FMNL2: variants seen among roughly 807,000 people sequenced by gnomAD.
FMNL2 encodes the protein formin like 2, also known as formin-like protein 2.
In FMNL2, 51 loss-of-function variants were observed where a neutral mutation model predicts 130.2. The observed-to-expected ratio is 0.39, with a 90% CI of 0.31 to 0.49. The LOEUF (loss-of-function observed/expected upper bound fraction) is 0.49, where lower values mean the gene tolerates loss of function less well. Among genes scored for constraint, FMNL2 ranks in the 20% least tolerant of loss-of-function variants. The pLI, the probability that FMNL2 is intolerant of heterozygous loss-of-function variation, is 0.85. For missense variants in FMNL2, 977 were observed against 1,316.2 expected (o/e 0.74, Z 3.99); for synonymous variants, 465 against 467.1 (o/e 1.00, Z 0.06).
At chr2:152,365,433 T>C (rs1247222380) in intron 1 of FMNL2, among the ~76,000 whole-genome samples, 1 of 152,002 alleles carries the variant, frequency 6.6e-6, no homozygotes, top group Non-Finnish European at 1.5e-5. Context: ...TATTTAGGAG[T>C]AATGCTGGGA....
intron 1 of FMNL2, among the ~76,000 whole-genome samples, chr2:152,416,483 G>T (rs1686622356): frequency 6.6e-6 from 1 of 152,200 alleles, no homozygotes; most frequent in Admixed American, 6.5e-5. Flanking sequence ...TCCCCCACTG[G>T]AGAGGGCTGC....
intron 9 of FMNL2, among the ~76,000 whole-genome samples, chr2:152,605,258 T>A (rs1698299430): frequency 6.6e-6 from 1 of 152,102 alleles, no homozygotes; most frequent in Non-Finnish European, 1.5e-5. Flanking sequence ...GCCAATTGAA[T>A]CAGACTCTCC....
intron 1 of FMNL2, among the ~76,000 whole-genome samples, chr2:152,341,450 C>A (rs1681799833): frequency 6.6e-6 from 1 of 152,108 alleles, no homozygotes; most frequent in African/African-American, 2.4e-5. Flanking sequence ...AGATGGTATG[C>A]GTGGCCTTAA....
chr2:152,553,556 T>A (rs78479232), intron 4 of FMNL2, among the ~76,000 whole-genome samples: 1 of 150,284 alleles, frequency 6.7e-6, no homozygotes, highest in Admixed American at 6.6e-5. Flanking sequence ...TTTTTTTTTT[T>A]GGTTTTAGAG....
At chr2:152,596,669 T>G (rs1160453077) in intron 9 of FMNL2, among the ~76,000 whole-genome samples, 1 of 152,222 alleles carries the variant, frequency 6.6e-6, no homozygotes, top group Non-Finnish European at 1.5e-5. Flanking sequence ...GTTTGTAATC[T>G]CAGCACTTAG....
intron 7 of FMNL2, 73 bp downstream of exon 7, chr2:152,575,317 T>C: frequency 2.1e-6 from 2 of 932,336 alleles, no homozygotes; most frequent in Non-Finnish European, 3.3e-6. Context: ...CTGGGTGCAG[T>C]GTACACCGCT....
At chr2:152,579,450 C>T (rs968331954) in intron 8 of FMNL2, among the ~76,000 whole-genome samples, 1 of 152,188 alleles carries the variant, frequency 6.6e-6, no homozygotes, top group African/African-American at 2.4e-5. Flanking sequence ...GTAATCTCAG[C>T]ACTTTGGGAG....
chr2:152,442,798 T>C (rs1036822771), intron 1 of FMNL2, among the ~76,000 whole-genome samples: 10 of 152,164 alleles, frequency 6.6e-5, no homozygotes, highest in Admixed American at 6.6e-4. Context: ...TTAAAAGCAG[T>C]GGTTCCCAAG....
intron 25 of FMNL2, among the ~76,000 whole-genome samples, chr2:152,645,795 T>C (rs934762574): frequency 1.3e-5 from 2 of 152,198 alleles, no homozygotes; most frequent in Non-Finnish European, 2.9e-5. Context: ...GTCTTGGCCT[T>C]TGAGTTACTC....
intron 4 of FMNL2, among the ~76,000 whole-genome samples, chr2:152,551,393 T>G (rs1694928809): frequency 6.6e-6 from 1 of 152,212 alleles, no homozygotes; most frequent in South Asian, 2.1e-4. Context: ...ACCATCTATG[T>G]GAGGAACTCT....
intron 1 of FMNL2, among the ~76,000 whole-genome samples, chr2:152,503,214 G>A (rs536350446): frequency 3.6e-4 from 55 of 152,346 alleles, no homozygotes; most frequent in African/African-American, 1.2e-3. Flanking sequence ...ATTCTGAACA[G>A]AGCATGGACA....
At chr2:152,595,741 G>A (rs1005246610) in intron 9 of FMNL2, among the ~76,000 whole-genome samples, 6 of 152,012 alleles carry the variant, frequency 3.9e-5, no homozygotes, top group Admixed American at 6.6e-5. Context: ...TTTCCCATGC[G>A]GAGGAGATCT....
At chr2:152,644,186 A>T (rs1350306938) in intron 25 of FMNL2, among the ~76,000 whole-genome samples, 2 of 152,136 alleles carry the variant, frequency 1.3e-5, no homozygotes, top group Non-Finnish European at 2.9e-5. Context: ...CCACCAATGC[A>T]CTCCAGCCTC....
chr2:152,338,103 A>C (rs1681585383), intron 1 of FMNL2, among the ~76,000 whole-genome samples: 1 of 151,932 alleles, frequency 6.6e-6, no homozygotes, highest in African/African-American at 2.4e-5. Context: ...ATCAGTTCAA[A>C]CCATTTAATT....
intron 1 of FMNL2, among the ~76,000 whole-genome samples, chr2:152,515,289 T>C (rs1260189368): frequency 3.9e-5 from 6 of 152,194 alleles, no homozygotes; most frequent in Non-Finnish European, 1.5e-5. Context: ...TTCTGCTTCA[T>C]TGATGCCTTG....
At chr2:152,413,079 A>G (rs1482197683) in intron 1 of FMNL2, among the ~76,000 whole-genome samples, 1 of 152,172 alleles carries the variant, frequency 6.6e-6, no homozygotes. Context: ...CATCTTAAAA[A>G]GTTAACAGAT....
chr2:152,584,887 G>A (rs1279938345), intron 9 of FMNL2, among the ~76,000 whole-genome samples: 2 of 152,096 alleles, frequency 1.3e-5, no homozygotes, highest in Admixed American at 1.3e-4. Context: ...GGAAGGCAGG[G>A]AGCACCTTTA....
chr2:152,378,015 G>A (rs1390174917), intron 1 of FMNL2, among the ~76,000 whole-genome samples: 2 of 151,900 alleles, frequency 1.3e-5, no homozygotes, highest in Non-Finnish European at 2.9e-5. Flanking sequence ...GGGAGGCTGA[G>A]GTGGTAGGAT....
chr2:152,499,332 A>G (rs962405507), intron 1 of FMNL2, among the ~76,000 whole-genome samples: 1 of 152,230 alleles, frequency 6.6e-6, no homozygotes, highest in African/African-American at 2.4e-5. Context: ...ATGATGGTCA[A>G]AAGTCCTGAG....
Sources: allele counts gnomAD v4.1 joint callset (sites outside exome capture counted in the v4.1 genomes callset), GRCh38; gene constraint gnomAD v4.1.1; transcripts MANE v1.5; gene names NCBI Gene and HGNC (gene_info 2026-07-23, HGNC 2026-07-21).